Variants in TOP3B observed in about 807,000 individuals in gnomAD.
TOP3B encodes DNA topoisomerase III beta, also known as DNA topoisomerase 3-beta-1.
TOP3B carries 45 observed loss-of-function variants against 93.9 expected under a neutral mutation model. The ratio of observed to expected loss-of-function variants is 0.48; its 90% CI spans 0.38 to 0.61. The LOEUF is 0.61. Ranked by LOEUF, TOP3B falls within the 20% of genes least tolerant of loss-of-function variation. The pLI, the probability that TOP3B is intolerant of heterozygous loss-of-function variation, is 0.00. For synonymous variants in TOP3B, 357 were observed against 472.6 expected, an observed-to-expected ratio of 0.76 and a Z score of 3.17; for missense variants, 750 against 1,156.1, an observed-to-expected ratio of 0.65 and a Z score of 5.09.
rs1016771891 is a variant in TOP3B, at chr22:21,970,997, G to T, written c.385-591C>A. 2.3e-6 allele frequency: 3 copies of T among 1,287,818 alleles called. No homozygotes were observed. The highest frequency in any genetic ancestry group is 3.1e-6 in the Non-Finnish European group (3 of 980,046). 79.8% of individuals were successfully genotyped at this position (1,287,818 alleles called of 1,614,324 possible). A position where few individuals can be genotyped will look rare whatever the true frequency, so the allele number is the denominator to read the frequency against. On this transcript the variant is annotated intron_variant, in intron 5 of 17. Coordinates refer to ENST00000357179, the MANE Select transcript of TOP3B (RefSeq NM_001282112.2). This position sits in a 1 kb window ranked among gnomAD's most constrained non-coding sequence, Gnocchi z 4.4. ...AGACTCACTAGGAAGGCCGTGCAGT[G>T]GGACTAGGGTCGCCGCCGGAGCCTG...
intron 7 of TOP3B, chr22:21,968,334 T>C (rs1160011529): frequency 1.1e-5 from 5 of 440,590 alleles, no homozygotes; most frequent in Non-Finnish European, 2.0e-5. Flanking sequence ...TGCTTGGACC[T>C]GACCACTGAA....
Position 21,975,620 on chromosome 22 carries a change from G to T in TOP3B, c.70+20C>A. 1.2e-6 allele frequency: 2 copies of T among 1,600,136 alleles called. No individual in the cohort carries two copies. The highest frequency in any genetic ancestry group is 8.5e-7 in the Non-Finnish European group (1 of 1,170,276). ...TAAACGACCGTGCTTACAGACCAAA[G>T]CAGGGCTGGTCTCTCCTACCTCTAG... On this transcript the variant is annotated intron_variant, in intron 2 of 17. Transcript: ENST00000357179.
intron 2 of TOP3B, 132 bp downstream of exon 2, chr22:21,975,508 G>A: frequency 4.8e-6 from 5 of 1,047,968 alleles, no homozygotes; most frequent in Non-Finnish European, 5.2e-6. Context: ...GTGACATACT[G>A]AGATGCTTCA....
At chr22:21,961,140 G>A (rs184645196) in intron 13 of TOP3B, 6 of 152,512 alleles carry the variant, frequency 3.9e-5, no homozygotes, top group Non-Finnish European at 7.3e-5. Context: ...AAGTAGCTCG[G>A]AGAGAATCTC....
intron 1 of TOP3B, among the ~76,000 whole-genome samples, chr22:21,980,710 G>A (rs1018143076): frequency 5.2e-4 from 79 of 152,296 alleles, no homozygotes; most frequent in African/African-American, 1.8e-3. Context: ...GCTCTGCTGC[G>A]CACCCACCTT....
intron 8 of TOP3B, chr22:21,965,720 A>G (rs1315986145): frequency 6.2e-6 from 1 of 162,552 alleles, no homozygotes; most frequent in South Asian, 1.6e-4. Context: ...TACAAACATT[A>G]GCTGGGCATG....
chr22:21,964,150 GCTCC>G lies in TOP3B; in HGVS notation c.1098+7_1098+10del. Reference sequence around the variant, plus strand: ...ACACACACATGCTGAGGCCGGCCCGGCTCCACTCACCGTGTCGGCCCAGTAGGGG... The same window carrying G: ...ACACACACATGCTGAGGCCGGCCCGGACTCACCGTGTCGGCCCAGTAGGGG... On this transcript the variant is annotated splice_region_variant and intron_variant, in intron 10 of 17. Coordinates refer to ENST00000357179, the MANE Select transcript of TOP3B (RefSeq NM_001282112.2). 1 of 1,613,868 alleles carries G rather than the reference GCTCC, an allele frequency of 6.2e-7. No individual in the cohort carries two copies. Among genetic ancestry groups the G allele is most frequent in the Non-Finnish European group, 8.5e-7 (1 of 1,179,974 alleles).
Position 21,970,368 on chromosome 22 carries a change from A to G in TOP3B, c.423T>C (p.His141=), listed in dbSNP as rs2071588450. ...CCCGGAACACGGTCTTCTCGCCACC[A>G]TGGGCCTTGTTCATGACGGGCAGAA... ...DAVLPVMNKA[H]GGEKTVFRAR... is the part of the protein sequence containing the mutation. Residue 141 remains histidine, a synonymous_variant, in exon 6 of 18, where the codon CAT becomes CAC. Coordinates refer to ENST00000357179, the MANE Select transcript of TOP3B (RefSeq NM_001282112.2). This position sits in a 1 kb window ranked among gnomAD's most constrained non-coding sequence, Gnocchi z 4.4. 6.2e-7 allele frequency: 1 copy of G among 1,613,852 alleles called. No individual in the cohort carries two copies. Among genetic ancestry groups the G allele is most frequent in the Admixed American group, 1.7e-5 (1 of 59,988 alleles).
In TOP3B at chr22:21,971,821, T is replaced by A. The variant is rs1329712653; in HGVS notation, c.384+56A>T. On this transcript the variant is annotated intron_variant, in intron 5 of 17. Coordinates refer to ENST00000357179, the MANE Select transcript of TOP3B (RefSeq NM_001282112.2). This position sits in a 1 kb window ranked among gnomAD's most constrained non-coding sequence, Gnocchi z 4.6. Reference sequence around the variant, plus strand: ...GATGTGACTGACTGCTGGTGTCAGTTTGGGGCTGGTGTCAGAAAGGCCAAA... The same window carrying A: ...GATGTGACTGACTGCTGGTGTCAGTATGGGGCTGGTGTCAGAAAGGCCAAA... The A allele has an allele frequency of 6.5e-7, 1 of 1,538,074 alleles. No individual in the cohort carries two copies. The highest frequency in any genetic ancestry group is 1.4e-5 in the African/African-American group (1 of 73,482).
intron 3 of TOP3B, 144 bp from the exon 4 acceptor site, chr22:21,972,862 A>C: frequency 1.4e-6 from 1 of 694,752 alleles, no homozygotes; most frequent in Non-Finnish European, 2.5e-6. Flanking sequence ...TGATGATCAG[A>C]GGCAGAGCCA....
At chr22:21,967,349 G>C (rs2071452974) in intron 8 of TOP3B, 1 of 456,228 alleles carries the variant, frequency 2.2e-6, no homozygotes, top group African/African-American at 2.0e-5. Flanking sequence ...AGTGGAAGGG[G>C]TCCGACAAGG....
At chr22:21,968,967 G>C (rs2145857365) in intron 6 of TOP3B, 192 bp from the exon 7 acceptor site, 3 of 588,470 alleles carry the variant, frequency 5.1e-6, no homozygotes, top group Non-Finnish European at 9.0e-6. Flanking sequence ...ATGGGTGACA[G>C]AGCCAGTGAG....
At chr22:21,964,433 G>A (rs2071334741) in intron 9 of TOP3B, 118 bp from the exon 10 acceptor site, 2 of 1,237,588 alleles carry the variant, frequency 1.6e-6, no homozygotes, top group Non-Finnish European at 2.3e-6. Context: ...GGTGACGGTG[G>A]CTCTGAGCAG....
intron 3 of TOP3B, 77 bp from the exon 4 acceptor site, chr22:21,972,795 C>G (rs914397484): frequency 8.3e-7 from 1 of 1,199,510 alleles, no homozygotes; most frequent in Non-Finnish European, 1.2e-6. Context: ...AGGATGTTGG[C>G]CTCATCCCAC....
intron 1 of TOP3B, chr22:21,976,570 C>T (rs2071879116): frequency 6.6e-6 from 1 of 152,290 alleles, no homozygotes; most frequent in Non-Finnish European, 1.5e-5. Flanking sequence ...CCCAACACCA[C>T]TGGCAGGGTA....
At chr22:21,975,552 A>T in intron 2 of TOP3B, 88 bp downstream of exon 2, 1 of 1,422,790 alleles carries the variant, frequency 7.0e-7, no homozygotes, top group East Asian at 2.5e-5. Flanking sequence ...AATCTACCCC[A>T]GCCAGGGTGG....
At chr22:21,975,897 A>T (rs1417890333) in intron 1 of TOP3B, 90 bp from the exon 2 acceptor site, 1 of 891,026 alleles carries the variant, frequency 1.1e-6, no homozygotes, top group Non-Finnish European at 1.5e-6. Context: ...AGAAAAAACA[A>T]GACCAACCTG....
chr22:21,975,512 T>C, intron 2 of TOP3B, 128 bp downstream of exon 2: 1 of 1,075,910 alleles, frequency 9.3e-7, no homozygotes, highest in Non-Finnish European at 1.3e-6. Flanking sequence ...CATACTGAGA[T>C]GCTTCATTAC....
chr22:21,959,896 G>A, intron 14 of TOP3B, 160 bp from the exon 15 acceptor site: 1 of 1,012,872 alleles, frequency 9.9e-7, no homozygotes. Context: ...ATGGTACCAG[G>A]CTGGCTCTTA....
Sources: gnomAD v4.1 joint callset for allele counts (sites outside exome capture counted in the v4.1 genomes callset) on GRCh38, gnomAD v4.1.1 for gene constraint, Gnocchi (gnomAD v3.1) non-coding constraint, MANE v1.5 for transcripts, NCBI Gene and HGNC (gene_info 2026-07-23, HGNC 2026-07-21) for gene names.